Variants in TRPM1 observed in about 807,000 individuals in gnomAD.
The protein encoded by TRPM1 is TRPM1-203 APA Isoform, Intron 10.
In TRPM1, 113 loss-of-function variants were observed where a neutral mutation model predicts 149.4. That is an observed-to-expected ratio of 0.76 (90% CI 0.65 to 0.88). The LOEUF is 0.88. Ranked by LOEUF, TRPM1 falls within the 40% of genes least tolerant of loss-of-function variation. The pLI is 0.00. For missense variants in TRPM1, 1,976 were observed against 2,038.7 expected (o/e 0.97, Z 0.59); for synonymous variants, 741 against 759.5 (o/e 0.98, Z 0.40).
chr15:31,037,738 C>T lies in TRPM1; in HGVS notation c.2544G>A (p.Ala848=), dbSNP rs774603670. The T allele has an allele frequency of 3.1e-6, 5 of 1,614,106 alleles. No homozygotes were observed. The highest frequency in any genetic ancestry group is 1.6e-4 in the Middle Eastern group (1 of 6,062). The change falls in exon 20 of 28, where the codon GCG becomes GCA. Residue 848 remains alanine, a synonymous_variant. Transcript: ENST00000256552. ...IGTKICEFYN[A]PIVKFWFYTI... is the part of the protein sequence containing the mutation. ...TGTAAAACCAGAACTTGACAATGGG[C>T]GCGTTATAGAATTCACAGATCTTTG...
At chr15:31,068,744 C>CA (rs60411633) in intron 4 of TRPM1, among the ~76,000 whole-genome samples, 1,659 of 59,988 alleles carry the variant, frequency 0.028, 53 homozygotes, top group Admixed American at 0.056. Flanking sequence ...AACTCCAACT[C>CA]AAAAAAAAAA....
chr15:31,014,207 C>T (rs1244949908), intron 27 of TRPM1, among the ~76,000 whole-genome samples: 2 of 152,184 alleles, frequency 1.3e-5, no homozygotes, highest in Admixed American at 6.5e-5. Context: ...CAGCTGTCAT[C>T]CGTCACCTCA....
At chr15:31,091,953 A>G (rs1347919197) in intron 1 of TRPM1, among the ~76,000 whole-genome samples, 1 of 152,228 alleles carries the variant, frequency 6.6e-6, no homozygotes, top group Admixed American at 6.5e-5. Flanking sequence ...TTAGCTTGCA[A>G]AGCCCTCTTA....
At chr15:31,141,380 GT>G (rs1223343472) in intron 1 of TRPM1, among the ~76,000 whole-genome samples, 1 of 152,036 alleles carries the variant, frequency 6.6e-6, no homozygotes, top group African/African-American at 2.4e-5. Flanking sequence ...AGTAAGATGT[GT>G]TTTTGGTGAG....
At chr15:31,089,599 C>T (rs1248992056) in intron 1 of TRPM1, among the ~76,000 whole-genome samples, 1 of 152,184 alleles carries the variant, frequency 6.6e-6, no homozygotes, top group Non-Finnish European at 1.5e-5. Flanking sequence ...CGAGGAGGCC[C>T]AGGGTCACTG....
At chr15:31,039,824 C>T (rs564324242) in intron 18 of TRPM1, among the ~76,000 whole-genome samples, 1 of 152,292 alleles carries the variant, frequency 6.6e-6, no homozygotes, top group South Asian at 2.1e-4. Context: ...CATTAGGAGA[C>T]TCTGACTGTG....
intron 27 of TRPM1, among the ~76,000 whole-genome samples, chr15:31,015,420 A>G (rs2032325416): frequency 6.6e-6 from 1 of 151,856 alleles, no homozygotes; most frequent in South Asian, 2.1e-4. Context: ...TTAAAAAAAA[A>G]AAAAAGAAAA....
chr15:31,110,390 CT>C (rs2035668086), intron 1 of TRPM1, among the ~76,000 whole-genome samples: 1 of 152,120 alleles, frequency 6.6e-6, no homozygotes, highest in Admixed American at 6.5e-5. Context: ...TCTATCAATA[CT>C]TTTGATTACC....
chr15:31,022,027 G>C lies in TRPM1; in HGVS notation c.3629+4112C>G, dbSNP rs181477346. On this transcript the variant is annotated intron_variant, in intron 27 of 27. Transcript: ENST00000256552. ...TATTTGATAATTTAATATTAAGTTT[G>C]GTGTTAAGCTTCCTTGAAGCCATGG... 4.7e-3 allele frequency among the ~76,000 whole-genome samples: 709 copies of C among 152,220 alleles called. 5 individuals carry two copies. Among genetic ancestry groups the C allele is most frequent in the African/African-American group, 0.017 (688 of 41,524 alleles).
At chr15:31,045,958 C>T (rs2033749575) in intron 16 of TRPM1, among the ~76,000 whole-genome samples, 1 of 151,990 alleles carries the variant, frequency 6.6e-6, no homozygotes, top group Non-Finnish European at 1.5e-5. Flanking sequence ...AGTGGTGTTC[C>T]TCTCTAGTTT....
At chr15:31,050,860 A>G (rs566363148) in intron 11 of TRPM1, among the ~76,000 whole-genome samples, 2 of 152,270 alleles carry the variant, frequency 1.3e-5, no homozygotes, top group East Asian at 1.9e-4. Context: ...GTGCACAAAC[A>G]CACACTTGAC....
chr15:31,047,150 G>A lies in TRPM1; in HGVS notation c.1725C>T (p.Asn575=). ...ACAAGTTGTTGTAAAGGGTCCGAAA[G>A]TTTTTCCGAGTGTAGTTGCAGCGGT... is the stretch of plus-strand genomic sequence containing the variant. ...GAYRCNYTRK[N]FRTLYNNLFG... Residue 575 remains asparagine (N), a synonymous_variant, in exon 15 of 28, where the codon AAC becomes AAT. Transcript: ENST00000256552. 3 of 1,614,254 alleles carry A rather than the reference G, an allele frequency of 1.9e-6. No individual in the cohort carries two copies. Among genetic ancestry groups the A allele is most frequent in the Non-Finnish European group, 2.5e-6 (3 of 1,180,048 alleles).
Position 31,002,771 on chromosome 15 carries a change from G to A in TRPM1, c.3929C>T (p.Ser1310Phe). 1 of 1,614,196 alleles carries A rather than the reference G, an allele frequency of 6.2e-7. No individual in the cohort carries two copies. The highest frequency in any genetic ancestry group is 8.5e-7 in the Non-Finnish European group (1 of 1,180,032). ...TCCTGTCCCTGGTGACGTGGAGAGA[G>A]ATGTATCCTCAAATAATAACTCTTC... ...NGEELLFEDT[S>F]LSTSPGTGVR... Residue 1310 changes from serine (S) to phenylalanine (F), a missense_variant, in exon 28 of 28, where the codon TCT becomes TTT. Physicochemically the swap from Ser to Phe is radical, Grantham distance 155 (BLOSUM62 -2). Transcript: ENST00000256552.
In TRPM1 at chr15:31,068,005, T is replaced by C; in HGVS notation, c.367A>G (p.Ile123Val). ...DWQLELPKLL[I>V]SVHGGLQNFE... ...TTCTGGAGGCCTCCATGCACAGATA[T>C]TAAGAGCTTGGGGAGTTCCAGCTGC... The change falls in exon 5 of 28, where the codon ATA becomes GTA. Residue 123 changes from isoleucine (I) to valine (V), a missense_variant. Ile to Val is a conservative substitution (Grantham distance 29, BLOSUM62 3). Coordinates refer to ENST00000256552, the MANE Select transcript of TRPM1 (RefSeq NM_001252024.2). 6.2e-7 allele frequency: 1 copy of C among 1,614,178 alleles called. No individual in the cohort carries two copies. The highest frequency in any genetic ancestry group is 8.5e-7 in the Non-Finnish European group (1 of 1,180,028).
At chr15:31,077,314 T>G (rs1239395450) in intron 2 of TRPM1, among the ~76,000 whole-genome samples, 1 of 152,186 alleles carries the variant, frequency 6.6e-6, no homozygotes, top group African/African-American at 2.4e-5. Flanking sequence ...CATCTGGAAA[T>G]GGCACGTTAG....
chr15:31,035,515 G>A (rs1474453282), intron 21 of TRPM1, 31 bp downstream of exon 21: 2 of 1,613,938 alleles, frequency 1.2e-6, no homozygotes, highest in Non-Finnish European at 1.7e-6. Context: ...TCAGCGGTTA[G>A]TGGGCTGGGG....
At position 31,081,441 on chromosome 15, in the gene TRPM1, A is replaced by T. The variant is rs183853784; in HGVS notation, c.-83-3T>A. The T allele has an allele frequency of 1.2e-4, 185 of 1,528,148 alleles. 3 individuals carry two copies. The Middle Eastern group carries it at 3.7e-3, about 30-fold the overall frequency. 94.7% of individuals were successfully genotyped at this position (1,528,148 alleles called of 1,614,324 possible). A position where few individuals can be genotyped will look rare whatever the true frequency, so the allele number is the denominator to read the frequency against. On this transcript the variant is annotated splice_region_variant and splice_polypyrimidine_tract_variant and intron_variant, in intron 1 of 27. Transcript: ENST00000256552. ...AGTCCTCAGAAATCTTCTAGAACCT[A>T]CGAGGATAAACAAGAGGAGTAAGAG...
At chr15:31,024,670 G>T (rs967577515) in intron 27 of TRPM1, among the ~76,000 whole-genome samples, 2 of 152,156 alleles carry the variant, frequency 1.3e-5, no homozygotes, top group Admixed American at 6.5e-5. Flanking sequence ...GGAAGGGAGA[G>T]GGGGAGGCAG....
chr15:31,146,963 G>A (rs141139972), intron 1 of TRPM1, among the ~76,000 whole-genome samples: 92 of 151,580 alleles, frequency 6.1e-4, no homozygotes, highest in Non-Finnish European at 1.0e-3. Flanking sequence ...ACTCCAGCTG[G>A]GTAACAAAAG....
Sources: gnomAD v4.1 joint callset for allele counts (sites outside exome capture counted in the v4.1 genomes callset) on GRCh38, gnomAD v4.1.1 for gene constraint, MANE v1.5 for transcripts, NCBI Gene and HGNC (gene_info 2026-07-23, HGNC 2026-07-21) for gene names.